DLG2: variants seen among roughly 807,000 people sequenced by gnomAD.
The protein encoded by DLG2 is discs large MAGUK scaffold protein 2.
Under a neutral mutation model 132.5 loss-of-function variants are expected in DLG2, and 45 were observed. That is an observed-to-expected ratio of 0.34 (90% CI 0.27 to 0.44). The LOEUF (loss-of-function observed/expected upper bound fraction) is 0.44, where lower values mean the gene tolerates loss of function less well. Among genes scored for constraint, DLG2 ranks in the 20% least tolerant of loss-of-function variants. DLG2 has a pLI of 1.00. For synonymous variants in DLG2, 424 were observed against 419.6 expected, an observed-to-expected ratio of 1.01 and a Z score of -0.13; for missense variants, 1,045 against 1,196.9, an observed-to-expected ratio of 0.87 and a Z score of 1.87.
intron 4 of DLG2, among the ~76,000 whole-genome samples, chr11:85,181,580 C>G (rs1220390225): frequency 6.6e-6 from 1 of 151,390 alleles, no homozygotes; most frequent in Non-Finnish European, 1.5e-5. Flanking sequence ...TATTTTTTCC[C>G]TGTCAACACT....
chr11:84,003,554 A>C (rs1202272853), intron 11 of DLG2, among the ~76,000 whole-genome samples: 1 of 152,150 alleles, frequency 6.6e-6, no homozygotes, highest in African/African-American at 2.4e-5. Flanking sequence ...CCTTCTTCAC[A>C]AGGTGGCAGG....
Position 84,670,980 on chromosome 11 carries a change from T to A in DLG2, c.358-136249A>T, listed in dbSNP as rs550954168. On this transcript the variant is annotated intron_variant, in intron 6 of 27. Transcript: ENST00000376104. ...AAAAAATTACAAATTTACAACCTCT[T>A]GCAGCAGCAAGTATTTAAAAACATA... 7.9e-5 allele frequency among the ~76,000 whole-genome samples: 12 copies of A among 152,288 alleles called. No individual in the cohort carries two copies. The South Asian group carries it at 2.1e-3, about 26-fold the overall frequency.
intron 21 of DLG2, among the ~76,000 whole-genome samples, chr11:83,489,658 T>G (rs532512248): frequency 1.3e-5 from 2 of 152,086 alleles, no homozygotes; most frequent in African/African-American, 4.8e-5. Flanking sequence ...ATCTGATGCA[T>G]TGGATTGCTT....
chr11:84,135,774 C>T (rs1001598586), intron 9 of DLG2, among the ~76,000 whole-genome samples: 4 of 151,932 alleles, frequency 2.6e-5, no homozygotes, highest in African/African-American at 4.8e-5. Context: ...CCAAGAAGGT[C>T]GGAATTTATC....
intron 2 of DLG2, among the ~76,000 whole-genome samples, chr11:85,620,640 CAGA>C (rs1243956667): frequency 1.3e-5 from 2 of 152,204 alleles, no homozygotes; most frequent in Non-Finnish European, 2.9e-5. Context: ...GTGATCTGAA[CAGA>C]AGATCAAACC....
At chr11:83,896,601 T>C (rs2071772943) in intron 15 of DLG2, among the ~76,000 whole-genome samples, 1 of 152,220 alleles carries the variant, frequency 6.6e-6, no homozygotes, top group Admixed American at 6.5e-5. Context: ...AGTTTTTTAT[T>C]AATTAATGAA....
chr11:84,595,847 A>G (rs1182679618), intron 6 of DLG2, among the ~76,000 whole-genome samples: 1 of 152,242 alleles, frequency 6.6e-6, no homozygotes, highest in Non-Finnish European at 1.5e-5. Flanking sequence ...AGCAGGAGGT[A>G]TAAGCATTTG....
chr11:83,784,593 T>C (rs967595568), intron 18 of DLG2, among the ~76,000 whole-genome samples: 1 of 152,256 alleles, frequency 6.6e-6, no homozygotes, highest in Non-Finnish European at 1.5e-5. Flanking sequence ...TTATAGGACA[T>C]GCTTTGAACA....
intron 6 of DLG2, among the ~76,000 whole-genome samples, chr11:84,589,612 C>G (rs2099538164): frequency 6.6e-6 from 1 of 152,020 alleles, no homozygotes; most frequent in South Asian, 2.1e-4. Context: ...TTAATGCAAA[C>G]CTAATCTTTT....
At chr11:83,657,183 C>G (rs2072756211) in intron 18 of DLG2, among the ~76,000 whole-genome samples, 1 of 152,216 alleles carries the variant, frequency 6.6e-6, no homozygotes, top group African/African-American at 2.4e-5. Context: ...ACGTATTAAA[C>G]ACACCTAGTG....
chr11:83,555,716 T>G (rs1177718540), intron 19 of DLG2, among the ~76,000 whole-genome samples: 1 of 152,236 alleles, frequency 6.6e-6, no homozygotes, highest in Non-Finnish European at 1.5e-5. Context: ...CCACTCCAAC[T>G]GCAGAGCATA....
At chr11:84,172,788 C>T (rs933970877) in intron 8 of DLG2, among the ~76,000 whole-genome samples, 12 of 152,030 alleles carry the variant, frequency 7.9e-5, no homozygotes, top group East Asian at 3.9e-4. Flanking sequence ...GTGATCCAAC[C>T]GCCTTGGCCT....
At chr11:83,747,606 C>A (rs937081434) in intron 18 of DLG2, among the ~76,000 whole-genome samples, 2 of 152,198 alleles carry the variant, frequency 1.3e-5, no homozygotes, top group South Asian at 4.1e-4. Flanking sequence ...CTCAAGTGAT[C>A]CATCCTGGGC....
At chr11:83,700,653 T>A (rs1355209130) in intron 18 of DLG2, among the ~76,000 whole-genome samples, 1 of 152,222 alleles carries the variant, frequency 6.6e-6, no homozygotes, top group Non-Finnish European at 1.5e-5. Context: ...TTTCTTTCAC[T>A]GTGTTCCTAA....
At chr11:84,769,548 C>T (rs1452243894) in intron 6 of DLG2, among the ~76,000 whole-genome samples, 4 of 152,066 alleles carry the variant, frequency 2.6e-5, no homozygotes. Flanking sequence ...ACGTGGAAAA[C>T]ATATTTCAGG....
chr11:85,229,891 G>A (rs1595555052), intron 4 of DLG2, among the ~76,000 whole-genome samples: 1 of 152,124 alleles, frequency 6.6e-6, no homozygotes, highest in East Asian at 1.9e-4. Flanking sequence ...CACAGGAACA[G>A]AAAACCAAAC....
chr11:84,172,046 C>T (rs968665778), intron 8 of DLG2, among the ~76,000 whole-genome samples: 1 of 152,138 alleles, frequency 6.6e-6, no homozygotes, highest in African/African-American at 2.4e-5. Flanking sequence ...CATAACAGTT[C>T]TGTACTTACA....
intron 12 of DLG2, among the ~76,000 whole-genome samples, chr11:83,974,495 C>T (rs556214994): frequency 2.4e-4 from 37 of 152,014 alleles, no homozygotes; most frequent in African/African-American, 8.9e-4. Context: ...AAGAAGGCTC[C>T]ATGATAAAAC....
chr11:85,048,094 G>A (rs966346375), intron 6 of DLG2, among the ~76,000 whole-genome samples: 3 of 151,764 alleles, frequency 2.0e-5, no homozygotes, highest in Non-Finnish European at 4.4e-5. Context: ...TTGTTTTATA[G>A]AGCAATACCT....
Sources: gnomAD v4.1 joint callset for allele counts (sites outside exome capture counted in the v4.1 genomes callset) on GRCh38, gnomAD v4.1.1 for gene constraint, MANE v1.5 for transcripts, NCBI Gene and HGNC (gene_info 2026-07-23, HGNC 2026-07-21) for gene names.